The following PCDH11X variants were observed in gnomAD, a reference collection of about 807,000 sequenced individuals.
PCDH11X encodes the protein protocadherin 11 X-linked, also known as protocadherin-11 X-linked.
A neutral mutation model predicts 53.3 loss-of-function variants in PCDH11X; 18 were observed. That is an observed-to-expected ratio of 0.34 (90% confidence interval 0.23 to 0.50). The LOEUF is 0.50. Among genes scored for constraint, PCDH11X ranks in the 20% least tolerant of loss-of-function variants. PCDH11X has a pLI of 0.98. For missense variants in PCDH11X, 570 were observed against 1,032.4 expected (o/e 0.55, Z 6.14); for synonymous variants, 279 against 393.3 (o/e 0.71, Z 3.44).
At chrX:92,383,321 GTTTT>G (rs34013943) in intron 8 of PCDH11X, among the ~76,000 whole-genome samples, 85 of 72,505 alleles carry the variant, frequency 1.2e-3, no homozygotes, top group South Asian at 6.4e-3. Context: ...GTAGATAAAT[GTTTT>G]TTTTTTTTTT....
intron 8 of PCDH11X, among the ~76,000 whole-genome samples, chrX:92,348,516 TTATTATTA>T (rs2069960153): frequency 2.4e-5 from 1 of 41,797 alleles, no homozygotes; most frequent in Non-Finnish European, 5.4e-5. Flanking sequence ...ATTATCATTA[TTATTATTA>T]TTATTATTAT....
At chrX:91,780,083 C>T (rs1308513214) in intron 1 of PCDH11X, among the ~76,000 whole-genome samples, 1 of 111,918 alleles carries the variant, frequency 8.9e-6, no homozygotes. Flanking sequence ...CAAAAGAGCA[C>T]GTCCCGGACT....
intron 4 of PCDH11X, among the ~76,000 whole-genome samples, chrX:91,816,120 T>G (rs1033715126): frequency 5.4e-5 from 6 of 110,714 alleles, no homozygotes; most frequent in Non-Finnish European, 9.4e-5. Context: ...AGAGCAAGAC[T>G]CAGTCCCCAC....
intron 6 of PCDH11X, among the ~76,000 whole-genome samples, chrX:92,020,473 T>C (rs776919558): frequency 1.7e-3 from 190 of 111,327 alleles, no homozygotes; most frequent in African/African-American, 6.1e-3. Flanking sequence ...CCATTCTTCC[T>C]CATTGGGCAG....
intron 7 of PCDH11X, among the ~76,000 whole-genome samples, chrX:92,258,742 T>C (rs189659127): frequency 2.1e-4 from 23 of 111,950 alleles, no homozygotes; most frequent in Middle Eastern, 4.6e-3. Context: ...TTCTTCCACA[T>C]GGCCAGGCTG....
chrX:92,522,987 C>A (rs1433162065), intron 10 of PCDH11X, among the ~76,000 whole-genome samples: 3 of 111,215 alleles, frequency 2.7e-5, no homozygotes, highest in Non-Finnish European at 5.7e-5. Flanking sequence ...GGCTTTCTGA[C>A]AAATCTGCCA....
intron 9 of PCDH11X, among the ~76,000 whole-genome samples, chrX:92,452,463 G>GTGTGTATATATATATATA (rs1415846958): frequency 8.9e-5 from 4 of 44,727 alleles, no homozygotes; most frequent in African/African-American, 1.9e-4. Context: ...GTGTGTGTGT[G>GTGTGTATATATATATATA]TATATATATA....
chrX:91,955,574 G>A (rs1469083924), intron 6 of PCDH11X, among the ~76,000 whole-genome samples: 10 of 110,526 alleles, frequency 9.0e-5, no homozygotes, highest in Admixed American at 8.7e-4. Context: ...GTAGTTGTGT[G>A]GTTTTGAGTG....
At chrX:91,828,805 C>T (rs1316851620) in intron 4 of PCDH11X, among the ~76,000 whole-genome samples, 1 of 111,424 alleles carries the variant, frequency 9.0e-6, no homozygotes, top group Non-Finnish European at 1.9e-5. Context: ...ATGAATGCAA[C>T]TATTAAAGTC....
intron 7 of PCDH11X, among the ~76,000 whole-genome samples, chrX:92,209,317 G>A (rs1049027144): frequency 1.8e-5 from 2 of 111,657 alleles, no homozygotes; most frequent in Non-Finnish European, 3.8e-5. Flanking sequence ...TTTTTAAAAA[G>A]TTTGCATGTC....
At chrX:91,899,319 A>G (rs182692881) in intron 6 of PCDH11X, among the ~76,000 whole-genome samples, 3 of 110,981 alleles carry the variant, frequency 2.7e-5, no homozygotes, top group African/African-American at 6.6e-5. Flanking sequence ...TGGAAGACTC[A>G]GCCAGTGTAT....
At chrX:92,262,133 G>A (rs1226965078) in intron 7 of PCDH11X, among the ~76,000 whole-genome samples, 2 of 108,667 alleles carry the variant, frequency 1.8e-5, no homozygotes, top group African/African-American at 3.4e-5. Flanking sequence ...ATAAGCCACT[G>A]GATAAAAAAA....
chrX:92,064,937 A>C (rs1303821145), intron 6 of PCDH11X, among the ~76,000 whole-genome samples: 1 of 104,178 alleles, frequency 9.6e-6, no homozygotes, highest in African/African-American at 3.8e-5. Context: ...CATCAGGGAC[A>C]TTGGGGGTGC....
At chrX:91,808,075 G>T (rs777711184) in intron 1 of PCDH11X, among the ~76,000 whole-genome samples, 27 of 111,534 alleles carry the variant, frequency 2.4e-4, no homozygotes, top group African/African-American at 8.8e-4. Flanking sequence ...TCCTTTGTTT[G>T]CAAAGAAAGA....
chrX:92,161,833 C>G, intron 6 of PCDH11X, among the ~76,000 whole-genome samples: 1 of 73,340 alleles, frequency 1.4e-5, no homozygotes, highest in Non-Finnish European at 2.6e-5. Context: ...GTACATTTTG[C>G]ATTTCTCTGA....
chrX:91,891,725 A>G (rs917268440), intron 6 of PCDH11X, among the ~76,000 whole-genome samples: 1 of 100,365 alleles, frequency 1.0e-5, no homozygotes. Flanking sequence ...GAGTAAGGCA[A>G]TGTGGAGAAG....
intron 6 of PCDH11X, among the ~76,000 whole-genome samples, chrX:92,177,075 A>G (rs1187626223): frequency 9.3e-6 from 1 of 107,130 alleles, no homozygotes; most frequent in African/African-American, 3.4e-5. Context: ...TCCCGGGTTC[A>G]AGCGATTCTC....
chrX:92,446,433 G>A (rs58481307), intron 9 of PCDH11X, among the ~76,000 whole-genome samples: 2,713 of 110,917 alleles, frequency 0.024, 75 homozygotes, highest in East Asian at 0.078. Flanking sequence ...GGTGGGAGGT[G>A]ACTGAATTAT....
At chrX:91,797,866 A>G (rs1458543907) in intron 1 of PCDH11X, among the ~76,000 whole-genome samples, 1 of 111,769 alleles carries the variant, frequency 8.9e-6, no homozygotes, top group Non-Finnish European at 1.9e-5. Context: ...GAAATTTAAA[A>G]TATCTTCTCT....
Sources: allele counts gnomAD v4.1 joint callset (sites outside exome capture counted in the v4.1 genomes callset), GRCh38; gene constraint gnomAD v4.1.1; transcripts MANE v1.5; gene names NCBI Gene and HGNC (gene_info 2026-07-23, HGNC 2026-07-21).